The following SNAPC1 variants were observed in gnomAD, a reference collection of about 807,000 sequenced individuals.
SNAPC1 encodes small nuclear RNA activating complex polypeptide 1.
A neutral mutation model predicts 50.1 loss-of-function variants in SNAPC1; 42 were observed. That is an observed-to-expected ratio of 0.84 (90% CI 0.65 to 1.08). The LOEUF is 1.08. Ranked by LOEUF, SNAPC1 falls within the 50% of genes least tolerant of loss-of-function variation. The pLI, the probability that SNAPC1 is intolerant of heterozygous loss-of-function variation, is 0.00. For missense variants in SNAPC1, 477 were observed against 427.3 expected, an observed-to-expected ratio of 1.12 and a Z score of -1.02; for synonymous variants, 164 against 144.2, an observed-to-expected ratio of 1.14 and a Z score of -0.98.
chr14:61,777,223 T>TAAG (rs10669509), intron 5 of SNAPC1, among the ~76,000 whole-genome samples: 53,366 of 151,830 alleles, frequency 0.35, 9,906 homozygotes, highest in African/African-American at 0.46. Context: ...AGGAAACTGA[T>TAAG]AAGATGATAG....
At chr14:61,782,170 A>T in intron 7 of SNAPC1, 77 bp from the exon 8 acceptor site, 3 of 1,089,534 alleles carry the variant, frequency 2.8e-6, no homozygotes, top group Non-Finnish European at 4.0e-6. Context: ...CTTTGATTGT[A>T]CATTTTGTCT....
At chr14:61,792,259 A>G (rs565577687) in intron 8 of SNAPC1, among the ~76,000 whole-genome samples, 203 of 152,330 alleles carry the variant, frequency 1.3e-3, no homozygotes, top group Non-Finnish European at 2.6e-3. Context: ...ATGGTATCTG[A>G]TAAATTTGGT....
At chr14:61,770,234 C>CTTTTTTTT (rs72091048) in intron 4 of SNAPC1, among the ~76,000 whole-genome samples, 42 of 133,914 alleles carry the variant, frequency 3.1e-4, no homozygotes, top group Non-Finnish European at 3.7e-4. Context: ...CCCCCATGTT[C>CTTTTTTTT]TTTTTTTTTT....
intron 9 of SNAPC1, 121 bp from the exon 10 acceptor site, chr14:61,794,828 C>T (rs1002654095): frequency 2.5e-5 from 18 of 729,944 alleles, no homozygotes; most frequent in African/African-American, 2.1e-4. Flanking sequence ...ACCAGTTAGA[C>T]GTCTATGTAG....
At chr14:61,764,415 G>C (rs765107075) in intron 1 of SNAPC1, among the ~76,000 whole-genome samples, 11 of 152,096 alleles carry the variant, frequency 7.2e-5, no homozygotes, top group Non-Finnish European at 1.5e-4. Flanking sequence ...AGAGCTGTTT[G>C]TTGTACAGTT....
intron 8 of SNAPC1, 140 bp downstream of exon 8, chr14:61,782,537 A>G (rs2045083443): frequency 1.7e-6 from 1 of 605,358 alleles, no homozygotes; most frequent in Admixed American, 3.4e-5. Flanking sequence ...TTAAAAATAA[A>G]TTCTGTTAGA....
chr14:61,775,865 T>C (rs1285330885), intron 4 of SNAPC1, among the ~76,000 whole-genome samples: 6 of 152,200 alleles, frequency 3.9e-5, no homozygotes, highest in Non-Finnish European at 7.3e-5. Context: ...TATATCTTAG[T>C]TAATGTTTGT....
chr14:61,794,428 T>C (rs1227747139), intron 9 of SNAPC1, among the ~76,000 whole-genome samples: 1 of 152,118 alleles, frequency 6.6e-6, no homozygotes, highest in Admixed American at 6.6e-5. Context: ...TGTTTTGAGA[T>C]GGAGTCTCGC....
chr14:61,776,165 A>G lies in SNAPC1; in HGVS notation c.605A>G (p.Asp202Gly), dbSNP rs775484215. The change falls in exon 5 of 10, where the codon GAT becomes GGT. Residue 202 changes from aspartate (D) to glycine (G), a missense_variant. Physicochemically the swap from Asp to Gly is moderately conservative, Grantham distance 94. Transcript: ENST00000216294. Reference sequence around the variant, plus strand: ...ATTTCAGTTGATAAGTCCAAGCCAGATAAAGCCCTCAGCTTGATAAAGGAT... The same window carrying G: ...ATTTCAGTTGATAAGTCCAAGCCAGGTAAAGCCCTCAGCTTGATAAAGGAT... ...HVISVDKSKPDKALSLIKDDF... is the reference protein window; with the variant it reads ...HVISVDKSKPGKALSLIKDDF... The G allele has an allele frequency of 2.5e-6, 4 of 1,612,310 alleles. No individual in the cohort carries two copies. The highest frequency in any genetic ancestry group is 2.2e-5 in the East Asian group (1 of 44,840).
At chr14:61,787,150 A>T (rs1196643733) in intron 8 of SNAPC1, among the ~76,000 whole-genome samples, 1 of 152,242 alleles carries the variant, frequency 6.6e-6, no homozygotes, top group Admixed American at 6.5e-5. Flanking sequence ...AAGGTATTAA[A>T]TGCCCAGTGG....
In SNAPC1 at chr14:61,783,550, T is replaced by C. The variant is rs967745928; in HGVS notation, c.976+1153T>C. Among the ~76,000 whole-genome samples, 183 of 142,368 alleles carry C rather than the reference T, an allele frequency of 1.3e-3. 1 individual carries two copies. The highest frequency in any genetic ancestry group is 4.7e-3 in the African/African-American group (176 of 37,692). 93.4% of individuals were successfully genotyped at this position (142,368 alleles called of 152,430 possible). On this transcript the variant is annotated intron_variant, in intron 8 of 9. Coordinates refer to ENST00000216294, the MANE Select transcript of SNAPC1 (RefSeq NM_003082.4). ...TTGGTTTTTTTTTTTTTTTTTTTTT[T>C]CTTGAGACAGAGTCTTGCTGTGTTG...
rs545098077 is a variant in SNAPC1 at position 61,787,317 on chromosome 14, G to A, written c.976+4920G>A. ...ATAAACCTGACTGATGGCCAAACAC[G>A]AACAAAAAGAGAGGACATAAGGAAA... On this transcript the variant is annotated intron_variant, in intron 8 of 9. Coordinates refer to ENST00000216294, the MANE Select transcript of SNAPC1 (RefSeq NM_003082.4). Among the ~76,000 whole-genome samples the A allele has an allele frequency of 1.3e-4, 19 of 151,194 alleles. 1 individual carries two copies. The South Asian group carries it at 2.3e-3, about 18-fold the overall frequency.
intron 7 of SNAPC1, among the ~76,000 whole-genome samples, chr14:61,779,717 T>G (rs1346862875): frequency 6.7e-6 from 1 of 148,718 alleles, no homozygotes; most frequent in Non-Finnish European, 1.5e-5. Flanking sequence ...GGTTTTTTTT[T>G]TTTTTTTTGA....
At chr14:61,776,358 TG>T in intron 5 of SNAPC1, 105 bp downstream of exon 5, 1 of 1,020,626 alleles carries the variant, frequency 9.8e-7, no homozygotes, top group South Asian at 1.4e-5. Flanking sequence ...TGTAATCCTG[TG>T]GAGCTAAGAT....
chr14:61,770,669 C>T (rs1294559360), intron 4 of SNAPC1, among the ~76,000 whole-genome samples: 3 of 152,144 alleles, frequency 2.0e-5, no homozygotes, highest in Admixed American at 2.0e-4. Context: ...TCCTTAATCT[C>T]TGGCCTGGAG....
rs565196630 is a variant in SNAPC1, at chr14:61,768,514, C to T, written c.430-122C>T. 6.3e-5 allele frequency: 36 copies of T among 575,178 alleles called. No homozygotes were observed. In the South Asian group the frequency reaches 8.2e-4, roughly 13 times the overall value. The allele number at this position is 575,178 out of a possible 1,614,324, so 35.6% of individuals were successfully genotyped here. On this transcript the variant is annotated intron_variant, in intron 3 of 9. Transcript: ENST00000216294. ...TGGATATTTAACAGATGTACCCTTACAGCTGGTTTTGTTTTATCTGTGTTT... is the reference window on the plus strand; with the variant it reads ...TGGATATTTAACAGATGTACCCTTATAGCTGGTTTTGTTTTATCTGTGTTT...
intron 8 of SNAPC1, among the ~76,000 whole-genome samples, chr14:61,782,976 T>C (rs2045087333): frequency 6.6e-6 from 1 of 150,644 alleles, no homozygotes; most frequent in Non-Finnish European, 1.5e-5. Flanking sequence ...TATCAATTAA[T>C]AGCTAGATAG....
At chr14:61,771,039 G>C (rs2044986748) in intron 4 of SNAPC1, among the ~76,000 whole-genome samples, 1 of 152,102 alleles carries the variant, frequency 6.6e-6, no homozygotes, top group South Asian at 2.1e-4. Flanking sequence ...ACCCCACCCA[G>C]CTCATATGGA....
chr14:61,775,896 A>G (rs928925500), intron 4 of SNAPC1, among the ~76,000 whole-genome samples, 199 bp from the exon 5 acceptor site: 1 of 152,326 alleles, frequency 6.6e-6, no homozygotes, highest in East Asian at 1.9e-4. Context: ...CAGTAAATCC[A>G]TACCTCTGGA....
Sources: allele counts gnomAD v4.1 joint callset (sites outside exome capture counted in the v4.1 genomes callset), GRCh38; gene constraint gnomAD v4.1.1; transcripts MANE v1.5; gene names NCBI Gene and HGNC (gene_info 2026-07-23, HGNC 2026-07-21).